AFG1L: variants seen among roughly 807,000 people sequenced by gnomAD.
AFG1L encodes AFG1 like ATPase.
Under a neutral mutation model 62.2 loss-of-function variants are expected in AFG1L, and 53 were observed. The observed-to-expected ratio is 0.85, with a 90% CI of 0.68 to 1.07. The LOEUF (loss-of-function observed/expected upper bound fraction) is 1.07, where lower values mean the gene tolerates loss of function less well. AFG1L is among the 50% of genes least tolerant of loss of function. AFG1L has a pLI of 0.00. For missense variants in AFG1L, 555 were observed against 590.5 expected, an observed-to-expected ratio of 0.94 and a Z score of 0.62; for synonymous variants, 228 against 210.3, an observed-to-expected ratio of 1.08 and a Z score of -0.73.
At chr6:108,505,813 T>C (rs904951325) in intron 10 of AFG1L, among the ~76,000 whole-genome samples, 1 of 151,958 alleles carries the variant, frequency 6.6e-6, no homozygotes, top group African/African-American at 2.4e-5. Flanking sequence ...AATAAAGAAA[T>C]ATACAAAATA....
At chr6:108,487,221 T>C (rs1257504570) in intron 10 of AFG1L, among the ~76,000 whole-genome samples, 1 of 152,198 alleles carries the variant, frequency 6.6e-6, no homozygotes, top group Non-Finnish European at 1.5e-5. Context: ...TAGCTGACAC[T>C]GGGCGCTGTG....
At chr6:108,295,258 A>G in intron 1 of AFG1L, 40 bp downstream of exon 1, 1 of 1,568,078 alleles carries the variant, frequency 6.4e-7, no homozygotes, top group South Asian at 1.1e-5. Context: ...CCGACTGCAT[A>G]TGACTGGAGA....
intron 7 of AFG1L, among the ~76,000 whole-genome samples, chr6:108,418,045 G>C (rs1770405900): frequency 6.6e-6 from 1 of 152,054 alleles, no homozygotes; most frequent in Admixed American, 6.5e-5. Context: ...TGTTAGCCAG[G>C]ATGGTCTCAA....
At chr6:108,430,051 A>T (rs553772696) in intron 7 of AFG1L, among the ~76,000 whole-genome samples, 2 of 151,882 alleles carry the variant, frequency 1.3e-5, no homozygotes, top group Non-Finnish European at 2.9e-5. Context: ...GGGTTCAAGC[A>T]GTTCTCCTGC....
chr6:108,417,299 G>A (rs1030564374), intron 7 of AFG1L, among the ~76,000 whole-genome samples: 1 of 148,268 alleles, frequency 6.7e-6, no homozygotes, highest in African/African-American at 2.5e-5. Context: ...AAAAAAAAAC[G>A]GGGAAAAAAA....
At chr6:108,486,302 C>T (rs1330143472) in intron 10 of AFG1L, among the ~76,000 whole-genome samples, 4 of 152,000 alleles carry the variant, frequency 2.6e-5, no homozygotes, top group African/African-American at 9.7e-5. Context: ...TGTTTGTTTC[C>T]TATCATAGAG....
intron 10 of AFG1L, among the ~76,000 whole-genome samples, chr6:108,482,585 A>G (rs1051294503): frequency 3.9e-5 from 6 of 152,130 alleles, no homozygotes; most frequent in Admixed American, 2.0e-4. Flanking sequence ...TTTCTGTTCC[A>G]CAATACCACA....
intron 7 of AFG1L, among the ~76,000 whole-genome samples, chr6:108,412,788 C>T (rs6939918): frequency 0.053 from 8,037 of 152,220 alleles, 524 homozygotes; most frequent in African/African-American, 0.15. Flanking sequence ...AAAGGAACAA[C>T]TGGTACCAGC....
chr6:108,327,680 T>C lies in AFG1L; in HGVS notation c.363+3632T>C, dbSNP rs377134939. 2.6e-5 allele frequency among the ~76,000 whole-genome samples: 4 copies of C among 152,214 alleles called. No homozygotes were observed. The East Asian group carries it at 5.8e-4, about 22-fold the overall frequency. On this transcript the variant is annotated intron_variant, in intron 2 of 12. Coordinates refer to ENST00000368977, the MANE Select transcript of AFG1L (RefSeq NM_145315.5). The stretch of plus-strand genomic sequence containing the variant: ...CTTTGGGGGTTAGAACTTCAACATA[T>C]GAATTTTGGGGTGATGCAAGCATTG...
intron 11 of AFG1L, among the ~76,000 whole-genome samples, chr6:108,518,298 G>A (rs1330731300): frequency 5.3e-5 from 8 of 152,082 alleles, no homozygotes; most frequent in Non-Finnish European, 1.0e-4. Flanking sequence ...TGTGGCACAT[G>A]TACACCATGG....
intron 10 of AFG1L, among the ~76,000 whole-genome samples, chr6:108,488,448 G>A (rs1692117621): frequency 6.6e-6 from 1 of 152,200 alleles, no homozygotes; most frequent in South Asian, 2.1e-4. Context: ...TGGTGCAAAG[G>A]TTGGGGGGAG....
At chr6:108,377,522 G>T (rs1046185668) in intron 6 of AFG1L, among the ~76,000 whole-genome samples, 3 of 152,150 alleles carry the variant, frequency 2.0e-5, no homozygotes, top group Non-Finnish European at 4.4e-5. Context: ...GGCAGAATAT[G>T]AAATTCTTGG....
At chr6:108,355,577 C>T in intron 3 of AFG1L, 77 bp from the exon 4 acceptor site, 2 of 698,400 alleles carry the variant, frequency 2.9e-6, no homozygotes, top group Non-Finnish European at 4.5e-6. Context: ...TTCATTATCT[C>T]AAAGCTAATG....
rs145865114 is a variant in AFG1L at position 108,399,273 on chromosome 6, C to T, written c.749-2723C>T. On this transcript the variant is annotated intron_variant, in intron 6 of 12. Transcript: ENST00000368977. ...CAGAATCTCAACTCACTGCAACCTCCGCCTCCTGGGTTCAAGCGATTTCCC... is the reference window on the plus strand; with the variant it reads ...CAGAATCTCAACTCACTGCAACCTCTGCCTCCTGGGTTCAAGCGATTTCCC... 4.4e-3 allele frequency among the ~76,000 whole-genome samples: 655 copies of T among 149,876 alleles called. 5 individuals carry two copies. Among genetic ancestry groups the T allele is most frequent in the African/African-American group, 0.014 (576 of 40,618 alleles).
intron 5 of AFG1L, among the ~76,000 whole-genome samples, chr6:108,364,884 A>C (rs1270144105): frequency 6.6e-6 from 1 of 151,626 alleles, no homozygotes. Flanking sequence ...AAAAAAAAAA[A>C]AAGTACATCT....
chr6:108,455,611 C>T (rs1449985524), intron 8 of AFG1L, among the ~76,000 whole-genome samples: 1 of 152,142 alleles, frequency 6.6e-6, no homozygotes, highest in East Asian at 1.9e-4. Context: ...TTTCTGCTCT[C>T]ATATAAGCAC....
intron 7 of AFG1L, among the ~76,000 whole-genome samples, chr6:108,436,015 A>G (rs1771291629): frequency 6.6e-6 from 1 of 152,232 alleles, no homozygotes; most frequent in Non-Finnish European, 1.5e-5. Context: ...CATAGAACTT[A>G]CAGGCTTGAA....
At chr6:108,405,407 A>G (rs955681061) in intron 7 of AFG1L, among the ~76,000 whole-genome samples, 2 of 152,162 alleles carry the variant, frequency 1.3e-5, no homozygotes, top group Non-Finnish European at 2.9e-5. Flanking sequence ...GTGCAGTGGC[A>G]CAATCATAGC....
chr6:108,506,933 T>C lies in AFG1L; in HGVS notation c.1063-3279T>C, dbSNP rs181240299. 2.0e-5 allele frequency among the ~76,000 whole-genome samples: 3 copies of C among 152,344 alleles called. No individual in the cohort carries two copies. The East Asian group carries it at 5.8e-4, about 29-fold the overall frequency. ...TTAATTTTTGACTTTTTTGAACTTT[T>C]CTTTTTAGAAATATGCTTACCCATG... On this transcript the variant is annotated intron_variant, in intron 10 of 12. Transcript: ENST00000368977.
Sources: allele counts gnomAD v4.1 joint callset (sites outside exome capture counted in the v4.1 genomes callset), GRCh38; gene constraint gnomAD v4.1.1; transcripts MANE v1.5; gene names NCBI Gene and HGNC (gene_info 2026-07-23, HGNC 2026-07-21).